IFI16: variants seen among roughly 807,000 people sequenced by gnomAD.
IFI16 encodes the protein gamma-interferon-inducible protein 16.
Under a neutral mutation model 68.4 loss-of-function variants are expected in IFI16, and 49 were observed. The ratio of observed to expected loss-of-function variants is 0.72; its 90% confidence interval spans 0.57 to 0.91. The LOEUF is 0.91. Ranked by LOEUF, IFI16 falls within the 40% of genes least tolerant of loss-of-function variation. The probability of loss-of-function intolerance (pLI) is 0.00; values close to 1 mark genes in which losing one functional copy is unlikely to be tolerated. For missense variants in IFI16, 878 were observed against 942.9 expected (o/e 0.93, Z 0.90); for synonymous variants, 307 against 315.0 (o/e 0.97, Z 0.27).
intron 5 of IFI16, 56 bp from the exon 6 acceptor site, chr1:159,020,285 T>C: frequency 7.7e-7 from 1 of 1,301,400 alleles, no homozygotes; most frequent in Non-Finnish European, 1.1e-6. Flanking sequence ...CTTCAGCCTA[T>C]ATGTGGTTGT....
intron 6 of IFI16, among the ~76,000 whole-genome samples, chr1:159,031,290 C>G (rs1287356543): frequency 6.6e-6 from 1 of 152,204 alleles, no homozygotes; most frequent in African/African-American, 2.4e-5. Context: ...AGAGTTCAAG[C>G]CTCCCTGCCT....
At chr1:159,034,315 G>C (rs552714492) in intron 7 of IFI16, among the ~76,000 whole-genome samples, 1 of 152,250 alleles carries the variant, frequency 6.6e-6, no homozygotes, top group East Asian at 1.9e-4. Flanking sequence ...TATTCATTGA[G>C]ACCCTACTAG....
Position 159,054,859 on chromosome 1 carries a change from T to A in IFI16, c.2316T>A (p.Asn772Lys), listed in dbSNP as rs1420226089. The A allele has an allele frequency of 2.5e-6, 4 of 1,605,330 alleles. No homozygotes were observed. The African/African-American group carries it at 5.4e-5, about 21-fold the overall frequency. Residue 772 changes from asparagine (N) to lysine (K), a missense_variant, in exon 12 of 12, where the codon AAT becomes AAA. Around this residue, in one of 4 missense-constraint regions of IFI16, gnomAD observed 311 missense variants for 305.1 expected, o/e 1.02. Transcript: ENST00000295809. ...KTRKNKKDIL[N>K]PDSSMETSPD... ...GGAAAAACAAGAAAGACATACTCAATCCTGATTCAAGTATGGAAACTTCAC... is the reference window on the plus strand; with the variant it reads ...GGAAAAACAAGAAAGACATACTCAAACCTGATTCAAGTATGGAAACTTCAC...
intron 1 of IFI16, among the ~76,000 whole-genome samples, chr1:159,013,943 A>C (rs1224746402): frequency 2.6e-5 from 4 of 152,240 alleles, no homozygotes; most frequent in Non-Finnish European, 5.9e-5. Context: ...TGGCTTATCG[A>C]GAGAAAACTG....
chr1:159,009,800 TCAC>T (rs1652431885), upstream of IFI16: 1 of 152,156 alleles, frequency 6.6e-6, no homozygotes. Context: ...CCATTTCCCC[TCAC>T]CACATGCTCC....
At chr1:159,016,783 A>G (rs534418580) in intron 4 of IFI16, 83 bp downstream of exon 4, 17 of 1,266,890 alleles carry the variant, frequency 1.3e-5, no homozygotes, top group East Asian at 2.4e-5. Context: ...TAAAAATTGC[A>G]TCGATAATTT....
In IFI16 at chr1:159,014,382, C is replaced by G. The variant is rs539479503; in HGVS notation, c.-20-279C>G. Reference sequence around the variant, plus strand: ...CCAAGGGCTTTGACACTGCAGAGCTCATACTCTTAACACTGAGGCAATTGC... The same window carrying G: ...CCAAGGGCTTTGACACTGCAGAGCTGATACTCTTAACACTGAGGCAATTGC... On this transcript the variant is annotated intron_variant, in intron 1 of 11. Coordinates refer to ENST00000295809, the MANE Select transcript of IFI16 (RefSeq NM_001376587.1). Among the ~76,000 whole-genome samples the G allele has an allele frequency of 8.6e-5, 13 of 151,446 alleles. No individual in the cohort carries two copies. In the East Asian group the frequency reaches 2.5e-3, roughly 29 times the overall value.
chr1:159,026,298 CTT>C lies in IFI16; in HGVS notation c.1161+5784_1161+5785del, dbSNP rs58483921. On this transcript the variant is annotated intron_variant, in intron 6 of 11. Transcript: ENST00000295809. ...GTATGGTCATTTTCTTTATTTCTTT[CTT>C]TTTTTTTTTTTTTTGAGACGAAGTC... Among the ~76,000 whole-genome samples the C allele has an allele frequency of 3.9e-3, 453 of 115,016 alleles. 1 individual carries two copies. Among genetic ancestry groups the C allele is most frequent in the Middle Eastern group, 0.016 (4 of 250 alleles). 75.5% of individuals were successfully genotyped at this position (115,016 alleles called of 152,430 possible). A position where few individuals can be genotyped will look rare whatever the true frequency, so the allele number is the denominator to read the frequency against.
chr1:159,004,490 A>C (rs148854763), upstream of IFI16, among the ~76,000 whole-genome samples: 1 of 152,026 alleles, frequency 6.6e-6, no homozygotes, highest in African/African-American at 2.4e-5. Context: ...GGGTCACTTG[A>C]GATCAGGAGT....
At chr1:159,039,446 T>A (rs770524358) in intron 7 of IFI16, among the ~76,000 whole-genome samples, 4 of 152,052 alleles carry the variant, frequency 2.6e-5, no homozygotes, top group Non-Finnish European at 5.9e-5. Context: ...CGGGTTCAGG[T>A]GATTATCCTG....
chr1:159,008,906 G>A (rs928267947), upstream of IFI16: 26 of 152,250 alleles, frequency 1.7e-4, no homozygotes, highest in African/African-American at 6.3e-4. Flanking sequence ...CATATTAACA[G>A]TCTATGGGGC....
Position 159,015,868 on chromosome 1 carries a change from C to G in IFI16, c.266-4C>G. 1.3e-6 allele frequency: 2 copies of G among 1,596,820 alleles called. No individual in the cohort carries two copies. The highest frequency in any genetic ancestry group is 1.7e-6 in the Non-Finnish European group (2 of 1,164,988). ...GGTTGGGAATAAAATTGAATCTATT[C>G]CAGTAAAAGGACCAGCCCTATCAAG... On this transcript the variant is annotated splice_region_variant and splice_polypyrimidine_tract_variant and intron_variant, in intron 2 of 11. Transcript: ENST00000295809.
At chr1:159,049,018 A>G (rs1655176835) in intron 8 of IFI16, among the ~76,000 whole-genome samples, 1 of 150,842 alleles carries the variant, frequency 6.6e-6, no homozygotes, top group South Asian at 2.1e-4. Flanking sequence ...TTGTATGCTG[A>G]AGAGCACTTG....
chr1:159,010,554 A>G (rs1031768278), intron 1 of IFI16, among the ~76,000 whole-genome samples: 51 of 152,228 alleles, frequency 3.4e-4, no homozygotes, highest in African/African-American at 1.2e-3. Flanking sequence ...TCATGAAAGA[A>G]TATTAAGTAA....
In IFI16 at chr1:159,016,659, A is replaced by G. The variant is rs763618038; in HGVS notation, c.508A>G (p.Lys170Glu). ...AGCCATGGGCCGTTCCCCATCTCCC[A>G]AGACCTCATTGTCAGCTCCACCCAA... is the stretch of plus-strand genomic sequence containing the variant. ...STAMGRSPSP[K>E]TSLSAPPNSS... Residue 170 changes from lysine to glutamate, a missense_variant, in exon 4 of 12, where the codon AAG becomes GAG. Physicochemically the swap from Lys to Glu is moderately conservative, Grantham distance 56 (BLOSUM62 1). Coordinates refer to ENST00000295809, the MANE Select transcript of IFI16 (RefSeq NM_001376587.1). 1.2e-6 allele frequency: 2 copies of G among 1,614,020 alleles called. No homozygotes were observed. The highest frequency in any genetic ancestry group is 2.2e-5 in the East Asian group (1 of 44,866).
At chr1:159,052,277 G>C (rs1655413917) in intron 10 of IFI16, 179 bp downstream of exon 10, 1 of 585,692 alleles carries the variant, frequency 1.7e-6, no homozygotes, top group African/African-American at 1.9e-5. Flanking sequence ...ACGTTATATT[G>C]TAACATTCCT....
At position 159,009,931 on chromosome 1, in the gene IFI16, T is replaced by C. The variant is rs1652440547; in HGVS notation, c.-251T>C. ...CATTTTCTCTGGGGCAATAGCAGAA[T>C]AGGAGCAAGCCAGCACTAGTCAGCT... is the stretch of plus-strand genomic sequence containing the variant. On this transcript the variant is annotated 5_prime_UTR_variant, in exon 1 of 12. Coordinates refer to ENST00000295809, the MANE Select transcript of IFI16 (RefSeq NM_001376587.1). 6.6e-6 allele frequency: 1 copy of C among 152,158 alleles called. No homozygotes were observed. The highest frequency in any genetic ancestry group is 1.5e-5 in the Non-Finnish European group (1 of 68,036). The allele number at this position is 152,158 out of a possible 1,614,324, so 9.4% of individuals were successfully genotyped here. A position where few individuals can be genotyped will look rare whatever the true frequency, so the allele number is the denominator to read the frequency against.
At chr1:159,027,938 T>G (rs1653773254) in intron 6 of IFI16, among the ~76,000 whole-genome samples, 1 of 152,184 alleles carries the variant, frequency 6.6e-6, no homozygotes, top group African/African-American at 2.4e-5. Flanking sequence ...TCTATGAGTT[T>G]TGTTTATTTT....
At chr1:159,006,183 G>T (rs115412468), upstream of IFI16, 34 of 152,382 alleles carry the variant, frequency 2.2e-4, no homozygotes, top group African/African-American at 7.2e-4. Context: ...CGAATTAAGA[G>T]TCCTTTAGTA....
Sources: allele counts gnomAD v4.1 joint callset (sites outside exome capture counted in the v4.1 genomes callset), GRCh38; gene constraint gnomAD v4.1.1; regional missense constraint gnomAD v4.1.1; transcripts MANE v1.5; gene names NCBI Gene and HGNC (gene_info 2026-07-23, HGNC 2026-07-21).